Variants in TRIP4 observed in about 807,000 individuals in gnomAD.
The protein encoded by TRIP4 is thyroid hormone receptor interactor 4.
TRIP4 carries 54 observed loss-of-function variants against 81.8 expected under a neutral mutation model. The observed-to-expected ratio is 0.66, with a 90% CI of 0.53 to 0.83. The LOEUF (loss-of-function observed/expected upper bound fraction) is 0.83. Among genes scored for constraint, TRIP4 ranks in the 40% least tolerant of loss-of-function variants. TRIP4 has a pLI of 0.00. For synonymous variants in TRIP4, 270 were observed against 242.8 expected, an observed-to-expected ratio of 1.11 and a Z score of -1.04; for missense variants, 662 against 683.6, an observed-to-expected ratio of 0.97 and a Z score of 0.35.
At chr15:64,453,766 A>G (rs939450090) in intron 12 of TRIP4, among the ~76,000 whole-genome samples, 2 of 152,242 alleles carry the variant, frequency 1.3e-5, no homozygotes, top group Admixed American at 6.5e-5. Flanking sequence ...AGAGAGATAT[A>G]CAGACAGACT....
intron 11 of TRIP4, among the ~76,000 whole-genome samples, chr15:64,433,790 A>AG (rs377072922): frequency 4.9e-4 from 74 of 152,310 alleles, no homozygotes; most frequent in African/African-American, 1.8e-3. Context: ...CATTGAAAGA[A>AG]GAGTGTGAGT....
At chr15:64,419,440 C>G (rs1891960112) in intron 9 of TRIP4, among the ~76,000 whole-genome samples, 1 of 151,878 alleles carries the variant, frequency 6.6e-6, no homozygotes, top group Non-Finnish European at 1.5e-5. Flanking sequence ...CTCACTGCAA[C>G]CTCCGCCTCC....
At chr15:64,449,296 T>G (rs150365446) in intron 12 of TRIP4, among the ~76,000 whole-genome samples, 7,293 of 151,548 alleles carry the variant, frequency 0.048, 238 homozygotes, top group South Asian at 0.086. Context: ...TTTTGTTTTT[T>G]TTTTTTGTGG....
rs140212439 is a variant in TRIP4, at chr15:64,414,863, G to A, written c.1170+652G>A. On this transcript the variant is annotated intron_variant, in intron 8 of 12. Transcript: ENST00000261884. Reference sequence around the variant, plus strand: ...ACCAGGCGCACTTTGGGAGGCTGAGGTGGGCAGATTGCTTGAGCCTGGGAG... The same window carrying A: ...ACCAGGCGCACTTTGGGAGGCTGAGATGGGCAGATTGCTTGAGCCTGGGAG... 9.0e-3 allele frequency among the ~76,000 whole-genome samples: 1,364 copies of A among 152,132 alleles called. 22 individuals carry two copies. The highest frequency in any genetic ancestry group is 0.032 in the African/African-American group (1,308 of 41,498).
Position 64,455,227 on chromosome 15 carries a change from A to G in TRIP4, c.*163A>G, listed in dbSNP as rs1892859189. 1 of 517,918 alleles carries G rather than the reference A, an allele frequency of 1.9e-6. No individual in the cohort carries two copies. Among genetic ancestry groups the G allele is most frequent in the South Asian group, 5.0e-5 (1 of 20,004 alleles). The allele number at this position is 517,918 out of a possible 1,614,324, so 32.1% of individuals were successfully genotyped here. A position where few individuals can be genotyped will look rare whatever the true frequency, so the allele number is the denominator to read the frequency against. Reference sequence around the variant, plus strand: ...CAAAATCTGTATATTTTTCTTAAGGAGTGGGATTCCTACTTTATGTAATGG... The same window carrying G: ...CAAAATCTGTATATTTTTCTTAAGGGGTGGGATTCCTACTTTATGTAATGG... On this transcript the variant is annotated 3_prime_UTR_variant, in exon 13 of 13. Transcript: ENST00000261884.
intron 11 of TRIP4, among the ~76,000 whole-genome samples, chr15:64,426,294 T>C (rs1200502876): frequency 6.6e-6 from 1 of 152,164 alleles, no homozygotes; most frequent in Non-Finnish European, 1.5e-5. Context: ...TTGACTCTGA[T>C]TGCCAGGACT....
At chr15:64,392,743 T>C (rs1418231747) in intron 1 of TRIP4, among the ~76,000 whole-genome samples, 3 of 152,074 alleles carry the variant, frequency 2.0e-5, no homozygotes, top group African/African-American at 7.2e-5. Context: ...GCCTCCCAAG[T>C]AGCTAGGACT....
intron 1 of TRIP4, among the ~76,000 whole-genome samples, chr15:64,391,231 A>C (rs1471407233): frequency 1.3e-5 from 2 of 151,252 alleles, no homozygotes; most frequent in South Asian, 4.2e-4. Flanking sequence ...ATCTCGGCTC[A>C]CTGCAACCTC....
In TRIP4 at chr15:64,387,979, G is replaced by A; in HGVS notation, c.101+15G>A. 1 of 1,543,530 alleles carries A rather than the reference G, an allele frequency of 6.5e-7. No homozygotes were observed. The highest frequency in any genetic ancestry group is 8.8e-7 in the Non-Finnish European group (1 of 1,142,202). On this transcript the variant is annotated intron_variant, in intron 1 of 12. Transcript: ENST00000261884. ...GAGATCATTCAGTGAGAACAGTTCGGGTCCAAGCGGGGAAGGAGCTCTGGG... is the reference window on the plus strand; with the variant it reads ...GAGATCATTCAGTGAGAACAGTTCGAGTCCAAGCGGGGAAGGAGCTCTGGG...
rs975684134 is a variant in TRIP4 at position 64,393,042 on chromosome 15, A to G, written c.102-904A>G. ...ATACCAATCATAGGACAATTTCATA[A>G]TTTTTAAAAAGTTAAAGGATATAGC... On this transcript the variant is annotated intron_variant, in intron 1 of 12. Coordinates refer to ENST00000261884, the MANE Select transcript of TRIP4 (RefSeq NM_016213.5). Among the ~76,000 whole-genome samples the G allele has an allele frequency of 1.7e-4, 26 of 152,146 alleles. 1 individual carries two copies. Among genetic ancestry groups the G allele is most frequent in the Admixed American group, 1.5e-3 (23 of 15,266 alleles).
chr15:64,437,954 A>G (rs889201130), intron 11 of TRIP4, among the ~76,000 whole-genome samples: 2 of 152,236 alleles, frequency 1.3e-5, no homozygotes, highest in Non-Finnish European at 2.9e-5. Context: ...AAAGGATCTG[A>G]TGATTGGAAT....
intron 6 of TRIP4, among the ~76,000 whole-genome samples, chr15:64,407,096 T>C (rs1025608409): frequency 2.6e-5 from 4 of 152,096 alleles, no homozygotes; most frequent in Non-Finnish European, 5.9e-5. Context: ...CAGTTAGTGG[T>C]AAAAAATGTT....
At chr15:64,438,648 A>C (rs188767545) in intron 11 of TRIP4, among the ~76,000 whole-genome samples, 9 of 152,310 alleles carry the variant, frequency 5.9e-5, no homozygotes, top group Non-Finnish European at 4.4e-5. Flanking sequence ...GAAGCCTATT[A>C]TATTAAAATG....
intron 7 of TRIP4, among the ~76,000 whole-genome samples, chr15:64,411,376 G>A (rs1891757211): frequency 6.6e-6 from 1 of 152,192 alleles, no homozygotes; most frequent in African/African-American, 2.4e-5. Context: ...GGTGAGGGAT[G>A]CTAATAATGG....
chr15:64,446,021 C>T (rs1892624817), intron 12 of TRIP4, among the ~76,000 whole-genome samples: 1 of 152,104 alleles, frequency 6.6e-6, no homozygotes, highest in Non-Finnish European at 1.5e-5. Context: ...GCCTATAATC[C>T]CAGCACTTTG....
intron 7 of TRIP4, 31 bp from the exon 8 acceptor site, chr15:64,414,054 A>G (rs372840091): frequency 1.4e-5 from 22 of 1,610,950 alleles, no homozygotes; most frequent in East Asian, 2.2e-5. Flanking sequence ...AACATTACCA[A>G]TTGTTGCATC....
At chr15:64,388,628 C>T (rs150166592) in intron 1 of TRIP4, among the ~76,000 whole-genome samples, 3 of 152,122 alleles carry the variant, frequency 2.0e-5, no homozygotes, top group Non-Finnish European at 4.4e-5. Context: ...ACATTTTAGT[C>T]GGCCCAATCT....
intron 9 of TRIP4, among the ~76,000 whole-genome samples, chr15:64,420,123 CTT>C (rs756319494): frequency 2.4e-4 from 33 of 135,842 alleles, no homozygotes; most frequent in Non-Finnish European, 2.7e-4. Context: ...TTCTTTCTTT[CTT>C]TTTTTTTTTT....
chr15:64,444,167 A>G (rs927459841), intron 11 of TRIP4, among the ~76,000 whole-genome samples: 3 of 152,224 alleles, frequency 2.0e-5, no homozygotes, highest in African/African-American at 7.2e-5. Context: ...ACTAGGAGAA[A>G]GTCTTCTCTG....
Sources: allele counts gnomAD v4.1 joint callset (sites outside exome capture counted in the v4.1 genomes callset), GRCh38; gene constraint gnomAD v4.1.1; transcripts MANE v1.5; gene names NCBI Gene and HGNC (gene_info 2026-07-23, HGNC 2026-07-21).